The following CNKSR2 variants were observed in gnomAD, a reference collection of about 807,000 sequenced individuals.
CNKSR2 encodes the protein connector enhancer of kinase suppressor of Ras 2.
In CNKSR2, 14 loss-of-function variants were observed where a neutral mutation model predicts 84.4. The ratio of observed to expected loss-of-function variants is 0.17; its 90% CI spans 0.11 to 0.26. The LOEUF (loss-of-function observed/expected upper bound fraction) is 0.26, where lower values mean the gene tolerates loss of function less well. Among genes scored for constraint, CNKSR2 ranks in the 10% least tolerant of loss-of-function variants. CNKSR2 has a pLI of 1.00. For missense variants in CNKSR2, 485 were observed against 771.2 expected (o/e 0.63, Z 4.40); for synonymous variants, 275 against 277.9 (o/e 0.99, Z 0.10).
chrX:21,436,853 C>A (rs2090713015), intron 3 of CNKSR2, among the ~76,000 whole-genome samples: 1 of 111,235 alleles, frequency 9.0e-6, no homozygotes, highest in Admixed American at 9.6e-5. Flanking sequence ...GGAGCCCCAC[C>A]TGACCTTTTA....
intron 4 of CNKSR2, among the ~76,000 whole-genome samples, chrX:21,446,575 G>C (rs906019333): frequency 1.8e-5 from 2 of 111,400 alleles, no homozygotes; most frequent in African/African-American, 6.5e-5. Context: ...GGCCTGGCTT[G>C]TGAGCAAAAA....
At chrX:21,535,434 G>A (rs2091918976) in intron 11 of CNKSR2, among the ~76,000 whole-genome samples, 1 of 110,816 alleles carries the variant, frequency 9.0e-6, no homozygotes, top group Admixed American at 9.6e-5. Flanking sequence ...ATTTTGACAG[G>A]GATTCCATTG....
intron 8 of CNKSR2, chrX:21,505,007 C>T (rs1036120273): frequency 1.4e-5 from 4 of 276,201 alleles, no homozygotes; most frequent in Non-Finnish European, 1.9e-5. Context: ...GGAGATACCT[C>T]GGCATAGTTT....
chrX:21,418,433 T>C (rs1414935768), intron 1 of CNKSR2, among the ~76,000 whole-genome samples: 5 of 112,093 alleles, frequency 4.5e-5, no homozygotes, highest in Admixed American at 2.8e-4. Flanking sequence ...AATGTCCTTT[T>C]CTTTCTGATT....
intron 20 of CNKSR2, among the ~76,000 whole-genome samples, chrX:21,640,180 G>C (rs890011255): frequency 8.9e-6 from 1 of 111,739 alleles, no homozygotes; most frequent in Admixed American, 9.5e-5. Flanking sequence ...ATGTGTATTA[G>C]AAATTAAAAG....
chrX:21,547,075 A>T (rs1365442370), intron 11 of CNKSR2, among the ~76,000 whole-genome samples: 2 of 111,932 alleles, frequency 1.8e-5, no homozygotes, highest in African/African-American at 6.5e-5. Flanking sequence ...TTCTCACATA[A>T]CAATATTAAC....
intron 20 of CNKSR2, among the ~76,000 whole-genome samples, chrX:21,639,140 G>C (rs1321378878): frequency 8.9e-6 from 1 of 112,269 alleles, no homozygotes; most frequent in Admixed American, 9.5e-5. Context: ...ATTGAGAATT[G>C]AACACAAAGA....
intron 1 of CNKSR2, among the ~76,000 whole-genome samples, chrX:21,394,662 A>G (rs926522522): frequency 9.0e-6 from 1 of 111,589 alleles, no homozygotes; most frequent in African/African-American, 3.2e-5. Context: ...TGTATATCAC[A>G]GTCCCCTAGT....
Position 21,497,961 on chromosome X carries a change from T to C in CNKSR2, c.741+115T>C, listed in dbSNP as rs957441272. 1.2e-5 allele frequency: 5 copies of C among 419,712 alleles called. No individual in the cohort carries two copies. The East Asian group carries it at 2.0e-4, about 16-fold the overall frequency. The allele number at this position is 419,712 out of a possible 1,213,427, so 34.6% of individuals were successfully genotyped here. On this transcript the variant is annotated intron_variant, in intron 7 of 21. Transcript: ENST00000379510. ...TAAGGATAAGGACATGAACAGATAG[T>C]AGATACAATTTAAAAGAGATACTGA... is the stretch of plus-strand genomic sequence containing the variant.
At chrX:21,450,724 T>G (rs1345489537) in intron 4 of CNKSR2, among the ~76,000 whole-genome samples, 1 of 111,892 alleles carries the variant, frequency 8.9e-6, no homozygotes, top group Non-Finnish European at 1.9e-5. Flanking sequence ...AGAGTTTCCT[T>G]TCCTTGGGAT....
chrX:21,451,416 C>CTT (rs1469354210), intron 4 of CNKSR2, among the ~76,000 whole-genome samples: 6 of 110,528 alleles, frequency 5.4e-5, no homozygotes. Context: ...TATTGCGGCA[C>CTT]TATTCACAAT....
At chrX:21,396,105 A>T (rs1195107577) in intron 1 of CNKSR2, among the ~76,000 whole-genome samples, 1 of 111,064 alleles carries the variant, frequency 9.0e-6, no homozygotes, top group Admixed American at 9.6e-5. Context: ...TAGCAAGCAT[A>T]TCATTGAGCA....
intron 20 of CNKSR2, 59 bp from the exon 21 acceptor site, chrX:21,648,770 TTC>T (rs1229529311): frequency 0.011 from 8,037 of 712,864 alleles, 3 homozygotes; most frequent in South Asian, 0.013. Flanking sequence ...TCATTTCTCT[TTC>T]TCTCTCTCTC....
intron 9 of CNKSR2, among the ~76,000 whole-genome samples, chrX:21,524,553 C>A (rs1284855306): frequency 9.0e-6 from 1 of 110,782 alleles, no homozygotes; most frequent in Non-Finnish European, 1.9e-5. Flanking sequence ...CCTAGGTAGA[C>A]AATTCTGGTA....
intron 4 of CNKSR2, among the ~76,000 whole-genome samples, chrX:21,461,280 T>A (rs1465021987): frequency 8.9e-6 from 1 of 112,612 alleles, no homozygotes; most frequent in Non-Finnish European, 1.9e-5. Context: ...TTTTTGATGA[T>A]CAATGATGTT....
At chrX:21,457,317 AC>A (rs1441015771) in intron 4 of CNKSR2, among the ~76,000 whole-genome samples, 1 of 110,690 alleles carries the variant, frequency 9.0e-6, no homozygotes, top group African/African-American at 3.3e-5. Flanking sequence ...CTTTCCTGCT[AC>A]CCTTTGAGCT....
chrX:21,441,160 G>A (rs1350628039), intron 4 of CNKSR2: 4 of 114,253 alleles, frequency 3.5e-5, no homozygotes, highest in African/African-American at 1.3e-4. Flanking sequence ...AAGGCAAGGA[G>A]AAATGGAAGA....
At chrX:21,468,579 A>G (rs1056347639) in intron 4 of CNKSR2, 2 of 110,817 alleles carry the variant, frequency 1.8e-5, no homozygotes, top group Non-Finnish European at 3.8e-5. Flanking sequence ...CTCATCTTGT[A>G]CGTTTCCTAT....
At chrX:21,612,646 C>G (rs1038381886) in intron 20 of CNKSR2, among the ~76,000 whole-genome samples, 2 of 112,065 alleles carry the variant, frequency 1.8e-5, no homozygotes, top group African/African-American at 3.2e-5. Context: ...ATCAACCAAA[C>G]CTCTTTCTTA....
Sources: allele counts gnomAD v4.1 joint callset (sites outside exome capture counted in the v4.1 genomes callset), GRCh38; gene constraint gnomAD v4.1.1; transcripts MANE v1.5; gene names NCBI Gene and HGNC (gene_info 2026-07-23, HGNC 2026-07-21).